The following PDZRN3 variants were observed in gnomAD, a reference collection of about 807,000 sequenced individuals.
The protein encoded by PDZRN3 is E3 ubiquitin-protein ligase PDZRN3.
PDZRN3 carries 38 observed loss-of-function variants against 85.7 expected under a neutral mutation model. The ratio of observed to expected loss-of-function variants is 0.44; its 90% confidence interval spans 0.34 to 0.58. PDZRN3 has a LOEUF of 0.58. Ranked by LOEUF, PDZRN3 falls within the 20% of genes least tolerant of loss-of-function variation. The pLI is 0.01. For missense variants in PDZRN3, 1,629 were observed against 1,506.4 expected (o/e 1.08, Z -1.35); for synonymous variants, 759 against 638.0 (o/e 1.19, Z -2.86).
intron 5 of PDZRN3, among the ~76,000 whole-genome samples, chr3:73,394,227 G>A (rs1459453649): frequency 2.0e-5 from 3 of 152,186 alleles, no homozygotes; most frequent in Non-Finnish European, 2.9e-5. Flanking sequence ...TAGTAAATTA[G>A]TAATCGATTC....
intron 3 of PDZRN3, among the ~76,000 whole-genome samples, chr3:73,461,679 G>A (rs1216429286): frequency 2.0e-5 from 3 of 152,226 alleles, no homozygotes; most frequent in Non-Finnish European, 4.4e-5. Flanking sequence ...GAGAAGTTAA[G>A]CCATTTAGAT....
intron 3 of PDZRN3, among the ~76,000 whole-genome samples, chr3:73,412,113 G>A (rs371013477): frequency 1.3e-5 from 2 of 152,118 alleles, no homozygotes; most frequent in Non-Finnish European, 2.9e-5. Context: ...TTTTTTACAC[G>A]TCAATGTTAT....
At chr3:73,541,911 TTGAAA>T (rs1321073719) in intron 3 of PDZRN3, among the ~76,000 whole-genome samples, 1 of 152,208 alleles carries the variant, frequency 6.6e-6, no homozygotes, top group Non-Finnish European at 1.5e-5. Flanking sequence ...CTATGGGTGC[TTGAAA>T]TAGTTTCAGC....
At position 73,496,571 on chromosome 3, in the gene PDZRN3, T is replaced by TAA. The variant is rs56806571; in HGVS notation, c.919-92178_919-92177dup. Reference sequence around the variant, plus strand: ...AACGTATTTCTAAGTAAAGAGGACTTAAAAAAAAACAAAATTATAACTACA... The same window carrying TAA: ...AACGTATTTCTAAGTAAAGAGGACTTAAAAAAAAAAACAAAATTATAACTACA... On this transcript the variant is annotated intron_variant, in intron 3 of 9. Coordinates refer to ENST00000263666, the MANE Select transcript of PDZRN3 (RefSeq NM_015009.3). Among the ~76,000 whole-genome samples, 356 of 150,230 alleles carry TAA rather than the reference T, an allele frequency of 2.4e-3. 5 individuals carry two copies. The East Asian group carries it at 0.036, about 15-fold the overall frequency.
In PDZRN3 at chr3:73,383,855, C is replaced by T. The variant is rs1703324179; in HGVS notation, c.2711G>A (p.Ser904Asn). 3.1e-6 allele frequency: 5 copies of T among 1,613,898 alleles called. No individual in the cohort carries two copies. Among genetic ancestry groups the T allele is most frequent in the Non-Finnish European group, 4.2e-6 (5 of 1,180,014 alleles). ...EYAQSQMSLVSMCKDLSSPTP... is the reference protein window; with the variant it reads ...EYAQSQMSLVNMCKDLSSPTP... ...GGGAGAGCTCAGGTCCTTGCACATG[C>T]TCACCAGGCTCATCTGGCTTTGCGC... is the stretch of plus-strand genomic sequence containing the variant. Residue 904 changes from serine to asparagine, a missense_variant, in exon 10 of 10, where the codon AGC becomes AAC. Physicochemically the swap from Ser to Asn is conservative, Grantham distance 46. Coordinates refer to ENST00000263666, the MANE Select transcript of PDZRN3 (RefSeq NM_015009.3).
chr3:73,564,003 C>T (rs1370118901), intron 3 of PDZRN3, among the ~76,000 whole-genome samples: 2 of 152,134 alleles, frequency 1.3e-5, no homozygotes, highest in Non-Finnish European at 2.9e-5. Context: ...CACATGTTCT[C>T]CCCCTGGGCT....
intron 3 of PDZRN3, among the ~76,000 whole-genome samples, chr3:73,549,989 C>A (rs1701514001): frequency 6.6e-6 from 1 of 152,228 alleles, no homozygotes; most frequent in Non-Finnish European, 1.5e-5. Flanking sequence ...CCTGTTAGTG[C>A]AGATGCTGCC....
At chr3:73,565,117 A>AT (rs202184460) in intron 3 of PDZRN3, among the ~76,000 whole-genome samples, 1,654 of 138,598 alleles carry the variant, frequency 0.012, 41 homozygotes, top group Non-Finnish European at 0.018. Context: ...ATATCCACCA[A>AT]TTTTTTTTTT....
At chr3:73,568,873 T>C (rs1701997353) in intron 3 of PDZRN3, among the ~76,000 whole-genome samples, 1 of 152,232 alleles carries the variant, frequency 6.6e-6, no homozygotes, top group African/African-American at 2.4e-5. Flanking sequence ...AGGCTTATGC[T>C]GTAACTGTTT....
At chr3:73,442,704 T>TC (rs1343270443) in intron 3 of PDZRN3, among the ~76,000 whole-genome samples, 4 of 151,616 alleles carry the variant, frequency 2.6e-5, no homozygotes, top group Non-Finnish European at 5.9e-5. Context: ...TGGATTTTTT[T>TC]TTTTTTTACA....
At chr3:73,524,246 C>G (rs1704466568) in intron 3 of PDZRN3, among the ~76,000 whole-genome samples, 1 of 152,188 alleles carries the variant, frequency 6.6e-6, no homozygotes, top group African/African-American at 2.4e-5. Flanking sequence ...AGAAGACAAT[C>G]TAGCTGCAAA....
intron 3 of PDZRN3, among the ~76,000 whole-genome samples, chr3:73,530,786 A>C (rs1704634876): frequency 6.6e-6 from 1 of 152,232 alleles, no homozygotes; most frequent in Non-Finnish European, 1.5e-5. Context: ...AATTTTAAGA[A>C]AGAGATGTCA....
chr3:73,597,688 G>T (rs971551859), intron 3 of PDZRN3, among the ~76,000 whole-genome samples: 11 of 146,668 alleles, frequency 7.5e-5, no homozygotes, highest in African/African-American at 2.8e-4. Flanking sequence ...CTTTGAGAAA[G>T]AATTTCAGTG....
intron 3 of PDZRN3, among the ~76,000 whole-genome samples, chr3:73,490,534 C>CA (rs1348296230): frequency 6.6e-6 from 1 of 152,190 alleles, no homozygotes; most frequent in Non-Finnish European, 1.5e-5. Context: ...AACAGCCCCA[C>CA]AGCTGTATTT....
intron 3 of PDZRN3, among the ~76,000 whole-genome samples, chr3:73,421,274 G>A (rs931402880): frequency 4.6e-5 from 7 of 152,114 alleles, no homozygotes; most frequent in African/African-American, 1.4e-4. Flanking sequence ...TCATATTCCT[G>A]AGCTTCAGAA....
At chr3:73,528,883 GAA>G (rs1041434654) in intron 3 of PDZRN3, among the ~76,000 whole-genome samples, 1 of 124,526 alleles carries the variant, frequency 8.0e-6, no homozygotes, top group Non-Finnish European at 1.7e-5. Context: ...TCTTTTGTGG[GAA>G]ACACACACAC....
At chr3:73,488,213 C>T (rs2106651650) in intron 3 of PDZRN3, among the ~76,000 whole-genome samples, 1 of 152,284 alleles carries the variant, frequency 6.6e-6, no homozygotes, top group South Asian at 2.1e-4. Context: ...GGATTAAAGC[C>T]TCTGCCTTTT....
At chr3:73,490,903 G>C (rs1703757635) in intron 3 of PDZRN3, among the ~76,000 whole-genome samples, 1 of 152,226 alleles carries the variant, frequency 6.6e-6, no homozygotes, top group Non-Finnish European at 1.5e-5. Flanking sequence ...CCAGAGATAA[G>C]TGCAGGCACA....
At chr3:73,516,019 G>C (rs1322923302) in intron 3 of PDZRN3, among the ~76,000 whole-genome samples, 7 of 152,180 alleles carry the variant, frequency 4.6e-5, no homozygotes, top group African/African-American at 7.2e-5. Context: ...AAAGTTTGTA[G>C]ATCTGTCTAA....
Sources: allele counts gnomAD v4.1 joint callset (sites outside exome capture counted in the v4.1 genomes callset), GRCh38; gene constraint gnomAD v4.1.1; transcripts MANE v1.5; gene names NCBI Gene and HGNC (gene_info 2026-07-23, HGNC 2026-07-21).